RPS6KC1: variants seen among roughly 807,000 people sequenced by gnomAD.
RPS6KC1 encodes ribosomal protein S6 kinase C1.
RPS6KC1 carries 54 observed loss-of-function variants against 103.8 expected under a neutral mutation model. The observed-to-expected ratio is 0.52, with a 90% confidence interval of 0.42 to 0.65. The LOEUF is 0.65. RPS6KC1 is among the 30% of genes least tolerant of loss of function. The pLI, the probability that RPS6KC1 is intolerant of heterozygous loss-of-function variation, is 0.00. For synonymous variants in RPS6KC1, 439 were observed against 438.7 expected, an observed-to-expected ratio of 1.00 and a Z score of -0.01; for missense variants, 1,151 against 1,253.8, an observed-to-expected ratio of 0.92 and a Z score of 1.24.
intron 4 of RPS6KC1, among the ~76,000 whole-genome samples, chr1:213,107,638 A>T (rs919100813): frequency 1.3e-5 from 2 of 152,110 alleles, no homozygotes; most frequent in Non-Finnish European, 2.9e-5. Flanking sequence ...CTTTGTGTGG[A>T]TATATGTTTT....
chr1:213,680,751 G>A, the RPS6KC1 span, among the ~76,000 whole-genome samples: 2 of 152,082 alleles, frequency 1.3e-5, no homozygotes, highest in Admixed American at 6.5e-5. Flanking sequence ...ACTGAGTAAG[G>A]CAGGTTTGAG....
At chr1:213,535,602 G>A in the RPS6KC1 span, among the ~76,000 whole-genome samples, 10 of 152,042 alleles carry the variant, frequency 6.6e-5, no homozygotes, top group African/African-American at 2.4e-4. Flanking sequence ...TAATCCCCAG[G>A]GTATATAGAA....
chr1:213,516,083 A>G, the RPS6KC1 span, among the ~76,000 whole-genome samples: 1 of 152,222 alleles, frequency 6.6e-6, no homozygotes, highest in Non-Finnish European at 1.5e-5. Flanking sequence ...TTGATTTTTT[A>G]TGCTGAGACT....
intron 9 of RPS6KC1, among the ~76,000 whole-genome samples, chr1:213,231,204 C>T (rs1211811341): frequency 2.0e-5 from 3 of 152,140 alleles, no homozygotes; most frequent in African/African-American, 7.2e-5. Context: ...GTGAAGACTA[C>T]ACACAGTCTC....
chr1:213,093,204 TC>T (rs1558302131), intron 3 of RPS6KC1, among the ~76,000 whole-genome samples: 1 of 150,926 alleles, frequency 6.6e-6, no homozygotes, highest in Non-Finnish European at 1.5e-5. Context: ...TGGTTAATAA[TC>T]TACTTTTTTT....
At chr1:213,783,815 C>CAAAAAAAAAAAAA in the RPS6KC1 span, among the ~76,000 whole-genome samples, 23 of 65,984 alleles carry the variant, frequency 3.5e-4, no homozygotes, top group African/African-American at 8.5e-4. Context: ...AAGATGTTGC[C>CAAAAAAAAAAAAA]AAAAAAAAAA....
rs533002668 is a variant in RPS6KC1 at position 213,085,410 on chromosome 1, C to T, written c.262+7594C>T. On this transcript the variant is annotated intron_variant, in intron 3 of 14. Transcript: ENST00000366960. ...CTAAATAAGGTAACATTTACAGGTT[C>T]CAGGGATTAGCTTTAGGGAACCAGT... Among the ~76,000 whole-genome samples, 4 of 152,268 alleles carry T rather than the reference C, an allele frequency of 2.6e-5. No individual in the cohort carries two copies. The East Asian group carries it at 7.7e-4, about 29-fold the overall frequency.
At chr1:213,783,815 CAAAAAAAAAA>C in the RPS6KC1 span, among the ~76,000 whole-genome samples, 14 of 65,996 alleles carry the variant, frequency 2.1e-4, no homozygotes, top group East Asian at 8.1e-4. Flanking sequence ...AAGATGTTGC[CAAAAAAAAAA>C]AAAAAAAAAA....
the RPS6KC1 span, among the ~76,000 whole-genome samples, chr1:213,302,127 C>A: frequency 6.6e-6 from 1 of 152,180 alleles, no homozygotes; most frequent in Non-Finnish European, 1.5e-5. Context: ...TATAGAGAAG[C>A]CTTTCTCCTT....
the RPS6KC1 span, among the ~76,000 whole-genome samples, chr1:213,459,520 A>G: frequency 7.3e-5 from 11 of 151,320 alleles, no homozygotes; most frequent in Admixed American, 7.2e-4. Flanking sequence ...TACTTTGTTA[A>G]TCTTTTAAAA....
the RPS6KC1 span, among the ~76,000 whole-genome samples, chr1:213,302,410 G>A: frequency 3.9e-5 from 6 of 151,906 alleles, no homozygotes; most frequent in South Asian, 2.1e-4. Context: ...ACCCATAATC[G>A]CAACACTTTG....
chr1:213,785,168 A>G, the RPS6KC1 span, among the ~76,000 whole-genome samples: 1 of 152,180 alleles, frequency 6.6e-6, no homozygotes, highest in Non-Finnish European at 1.5e-5. Context: ...TGTAGCATCA[A>G]AAATCTTATG....
intron 3 of RPS6KC1, among the ~76,000 whole-genome samples, chr1:213,089,918 T>A (rs1236314716): frequency 6.6e-6 from 1 of 152,206 alleles, no homozygotes; most frequent in African/African-American, 2.4e-5. Flanking sequence ...AGTCTCTGGA[T>A]CATGTAGCTA....
the RPS6KC1 span, among the ~76,000 whole-genome samples, chr1:213,532,921 G>GT: frequency 6.6e-6 from 1 of 152,220 alleles, no homozygotes; most frequent in Non-Finnish European, 1.5e-5. Context: ...GGGAAAGTGT[G>GT]TCCCAGGAGC....
the RPS6KC1 span, among the ~76,000 whole-genome samples, chr1:213,723,776 T>C: frequency 1.3e-5 from 2 of 152,204 alleles, no homozygotes; most frequent in Non-Finnish European, 2.9e-5. Context: ...GCTCAGATGC[T>C]GGGGATACAT....
the RPS6KC1 span, among the ~76,000 whole-genome samples, chr1:213,543,419 C>A: frequency 6.6e-6 from 1 of 152,142 alleles, no homozygotes; most frequent in Admixed American, 6.5e-5. Context: ...CTAACAGACT[C>A]TTTTGGGGCT....
chr1:213,714,280 CTTG>C, the RPS6KC1 span, among the ~76,000 whole-genome samples: 1 of 152,110 alleles, frequency 6.6e-6, no homozygotes, highest in East Asian at 1.9e-4. Context: ...GATGTTAGCA[CTTG>C]TTGTTATTGT....
At chr1:213,064,900 C>A (rs1328317857) in intron 1 of RPS6KC1, among the ~76,000 whole-genome samples, 1 of 150,434 alleles carries the variant, frequency 6.6e-6, no homozygotes, top group Non-Finnish European at 1.5e-5. Context: ...TGGTCTTGAT[C>A]TCCTGACCTT....
chr1:213,387,922 C>G, the RPS6KC1 span, among the ~76,000 whole-genome samples: 1 of 152,208 alleles, frequency 6.6e-6, no homozygotes, highest in African/African-American at 2.4e-5. Context: ...AACCAGTTGT[C>G]TAGTCTGTCT....
Sources: gnomAD v4.1 joint callset for allele counts (sites outside exome capture counted in the v4.1 genomes callset) on GRCh38, gnomAD v4.1.1 for gene constraint, MANE v1.5 for transcripts, NCBI Gene and HGNC (gene_info 2026-07-23, HGNC 2026-07-21) for gene names.